OSBPL10: variants seen among roughly 807,000 people sequenced by gnomAD.
The protein encoded by OSBPL10 is oxysterol binding protein like 10.
In OSBPL10, 49 loss-of-function variants were observed where a neutral mutation model predicts 81.7. That is an observed-to-expected ratio of 0.60 (90% CI 0.48 to 0.76). OSBPL10 has a LOEUF of 0.76. Among genes scored for constraint, OSBPL10 ranks in the 30% least tolerant of loss-of-function variants. OSBPL10 has a pLI of 0.00. For synonymous variants in OSBPL10, 419 were observed against 383.6 expected (o/e 1.09, Z -1.08); for missense variants, 923 against 987.8 (o/e 0.93, Z 0.88).
intron 2 of OSBPL10, chr3:31,990,229 A>G (rs1187630605): frequency 6.2e-7 from 1 of 1,613,462 alleles, no homozygotes; most frequent in Non-Finnish European, 8.5e-7. Flanking sequence ...TGGGCAGTCA[A>G]CACTTATTCA....
intron 1 of OSBPL10, among the ~76,000 whole-genome samples, chr3:31,970,284 G>C (rs190553006): frequency 6.6e-6 from 1 of 152,234 alleles, no homozygotes; most frequent in African/African-American, 2.4e-5. Flanking sequence ...TTATGAGGTG[G>C]CTTTGATCCA....
At chr3:31,675,472 T>C (rs948240508) in intron 8 of OSBPL10, among the ~76,000 whole-genome samples, 2 of 152,220 alleles carry the variant, frequency 1.3e-5, no homozygotes, top group Non-Finnish European at 2.9e-5. Flanking sequence ...TCATCTGTGA[T>C]GCAGAGATAA....
At chr3:31,837,765 T>C (rs1227650456) in intron 3 of OSBPL10, among the ~76,000 whole-genome samples, 3 of 151,378 alleles carry the variant, frequency 2.0e-5, no homozygotes, top group South Asian at 4.2e-4. Context: ...GAAAATAAGA[T>C]ATCATTCACA....
chr3:31,806,136 T>C (rs1699517669), intron 4 of OSBPL10, among the ~76,000 whole-genome samples: 2 of 152,082 alleles, frequency 1.3e-5, no homozygotes, highest in Non-Finnish European at 2.9e-5. Flanking sequence ...CCACCTATCA[T>C]GCCGTCACAC....
intron 3 of OSBPL10, among the ~76,000 whole-genome samples, chr3:31,847,487 C>G (rs1700662771): frequency 6.6e-6 from 1 of 152,108 alleles, no homozygotes; most frequent in South Asian, 2.1e-4. Context: ...CCACGCCCAG[C>G]CTATTACTTC....
chr3:31,808,917 G>T (rs575162447), intron 4 of OSBPL10, among the ~76,000 whole-genome samples: 1 of 152,116 alleles, frequency 6.6e-6, no homozygotes, highest in Non-Finnish European at 1.5e-5. Context: ...TTTATCAAAG[G>T]AATCAATTAA....
At chr3:31,739,515 G>A (rs993486684) in intron 5 of OSBPL10, among the ~76,000 whole-genome samples, 1 of 152,206 alleles carries the variant, frequency 6.6e-6, no homozygotes, top group African/African-American at 2.4e-5. Flanking sequence ...CATAAAAAAT[G>A]TAGGGTCCTG....
chr3:31,812,786 GAAAGAAAGAAAGAAAGAAA>G (rs1699731510), intron 4 of OSBPL10, among the ~76,000 whole-genome samples: 1 of 45,206 alleles, frequency 2.2e-5, no homozygotes, highest in African/African-American at 1.0e-4. Flanking sequence ...AAGAAAGAAA[GAAAGAAAGAAAGAAAGAAA>G]GAAAGAAAGA....
At position 31,820,948 on chromosome 3, in the gene OSBPL10, A is replaced by G. The variant is rs561173283; in HGVS notation, c.729+9092T>C. Among the ~76,000 whole-genome samples, 8 of 152,274 alleles carry G rather than the reference A, an allele frequency of 5.3e-5. No homozygotes were observed. In the South Asian group the frequency reaches 1.7e-3, roughly 32 times the overall value. On this transcript the variant is annotated intron_variant, in intron 4 of 11. Transcript: ENST00000396556. ...CTAGGTGCTGTGCTAAGGGCTTGGG[A>G]ATAAACAGGTTAAACCAAAAACACC...
At chr3:31,778,200 G>A (rs542158282) in intron 4 of OSBPL10, among the ~76,000 whole-genome samples, 1 of 152,286 alleles carries the variant, frequency 6.6e-6, no homozygotes, top group East Asian at 1.9e-4. Context: ...AGCAAGACTG[G>A]CCTTGCCAAC....
At chr3:31,796,542 T>C (rs920919903) in intron 4 of OSBPL10, among the ~76,000 whole-genome samples, 1 of 152,170 alleles carries the variant, frequency 6.6e-6, no homozygotes, top group African/African-American at 2.4e-5. Flanking sequence ...CAATTGAATA[T>C]ATATTTTGCC....
chr3:31,951,352 G>C (rs1262383457), intron 1 of OSBPL10, among the ~76,000 whole-genome samples: 2 of 151,670 alleles, frequency 1.3e-5, no homozygotes, highest in Middle Eastern at 3.4e-3. Context: ...ATAATACAGA[G>C]AGATAACACA....
chr3:31,958,132 CT>C (rs1335687131), intron 1 of OSBPL10, among the ~76,000 whole-genome samples: 1 of 152,190 alleles, frequency 6.6e-6, no homozygotes, highest in Non-Finnish European at 1.5e-5. Context: ...CCAGAATACC[CT>C]TGTGACCACA....
intron 7 of OSBPL10, among the ~76,000 whole-genome samples, chr3:31,695,507 C>G (rs1695691367): frequency 6.6e-6 from 1 of 152,100 alleles, no homozygotes; most frequent in Non-Finnish European, 1.5e-5. Flanking sequence ...CTGGCCCAAC[C>G]CTATACTTAA....
chr3:31,709,837 A>G (rs964742605), intron 6 of OSBPL10, among the ~76,000 whole-genome samples: 2 of 152,308 alleles, frequency 1.3e-5, no homozygotes, highest in South Asian at 4.1e-4. Flanking sequence ...GGTGCCAAGC[A>G]CTGTGTCAGG....
intron 1 of OSBPL10, among the ~76,000 whole-genome samples, chr3:31,948,977 G>C (rs1486326687): frequency 6.6e-6 from 1 of 152,162 alleles, no homozygotes; most frequent in Non-Finnish European, 1.5e-5. Flanking sequence ...AAAGGGAGCA[G>C]GTGTTTGGTA....
chr3:31,687,021 A>G (rs999400675), intron 7 of OSBPL10, among the ~76,000 whole-genome samples: 1 of 152,176 alleles, frequency 6.6e-6, no homozygotes, highest in African/African-American at 2.4e-5. Flanking sequence ...TGTGAATTTA[A>G]GCAGCTTGGA....
At chr3:31,845,852 A>G (rs189343023) in intron 3 of OSBPL10, among the ~76,000 whole-genome samples, 1 of 152,298 alleles carries the variant, frequency 6.6e-6, no homozygotes, top group Non-Finnish European at 1.5e-5. Flanking sequence ...ATGGATTGCT[A>G]CCATTTCAGG....
At chr3:31,794,516 C>T in intron 4 of OSBPL10, 1 of 308,684 alleles carries the variant, frequency 3.2e-6, no homozygotes, top group South Asian at 4.5e-5. Flanking sequence ...GGCACTGTGA[C>T]CCTTGCAGAC....
Sources: allele counts gnomAD v4.1 joint callset (sites outside exome capture counted in the v4.1 genomes callset), GRCh38; gene constraint gnomAD v4.1.1; transcripts MANE v1.5; gene names NCBI Gene and HGNC (gene_info 2026-07-23, HGNC 2026-07-21).